CSMD1: variants seen among roughly 807,000 people sequenced by gnomAD.
CSMD1 encodes the protein CUB and Sushi multiple domains 1, also known as CUB and sushi domain-containing protein 1.
Under a neutral mutation model 417.5 loss-of-function variants are expected in CSMD1, and 213 were observed. The observed-to-expected ratio is 0.51, with a 90% confidence interval of 0.46 to 0.57. The LOEUF (loss-of-function observed/expected upper bound fraction) is 0.57. Ranked by LOEUF, CSMD1 falls within the 20% of genes least tolerant of loss-of-function variation. CSMD1 has a pLI of 0.00. For missense variants in CSMD1, 6,923 were observed against 4,529.7 expected (o/e 1.53, Z -15.17); for synonymous variants, 2,862 against 1,736.8 (o/e 1.65, Z -16.11).
chr8:4,696,617 A>G (rs761037968), intron 1 of CSMD1, among the ~76,000 whole-genome samples: 2 of 152,202 alleles, frequency 1.3e-5, no homozygotes, highest in African/African-American at 4.8e-5. Flanking sequence ...TTATTATCCA[A>G]ACAACGTATT....
rs188927899 is a variant in CSMD1 at position 2,949,359 on chromosome 8, A to T, written c.10342T>A (p.Phe3448Ile). 122 of 1,606,666 alleles carry T rather than the reference A, an allele frequency of 7.6e-5. No homozygotes were observed. The East Asian group carries it at 2.3e-3, about 31-fold the overall frequency. The change falls in exon 68 of 70, where the codon TTT becomes ATT. Residue 3448 changes from phenylalanine (F) to isoleucine (I), a missense_variant. Physicochemically the swap from Phe to Ile is conservative, Grantham distance 21. Transcript: ENST00000635120. ...CCATGAATGTCACCTTGAAAAGTAA[A>T]TCCTCCTCTTTCAAGTCCAGATGAC... Reference protein sequence around the residue: ...YVSSGLERGGFTFQGDIHGKD... With the variant: ...YVSSGLERGGITFQGDIHGKD...
chr8:4,756,379 G>T lies in CSMD1; in HGVS notation c.86-118821C>A, dbSNP rs187772735. 5.4e-3 allele frequency among the ~76,000 whole-genome samples: 816 copies of T among 152,236 alleles called. 3 individuals are homozygous for T. Among genetic ancestry groups the T allele is most frequent in the Non-Finnish European group, 7.1e-3 (486 of 68,010 alleles). On this transcript the variant is annotated intron_variant, in intron 1 of 69. Transcript: ENST00000635120. ...GCCATATTTTTAAAAGTAACACTTG[G>T]TTTTTTTCTGACCCGACCAAGTTGA... is the stretch of plus-strand genomic sequence containing the variant.
intron 2 of CSMD1, among the ~76,000 whole-genome samples, chr8:4,442,806 A>T (rs1029512850): frequency 6.6e-6 from 1 of 152,216 alleles, no homozygotes; most frequent in Admixed American, 6.5e-5. Context: ...TTAAAATTTG[A>T]TTTCTAAAAC....
At chr8:3,535,730 G>C (rs1403673152) in intron 10 of CSMD1, among the ~76,000 whole-genome samples, 1 of 152,114 alleles carries the variant, frequency 6.6e-6, no homozygotes, top group African/African-American at 2.4e-5. Flanking sequence ...AAGTAAACTT[G>C]ATTTTAACCT....
intron 5 of CSMD1, among the ~76,000 whole-genome samples, chr8:3,869,395 T>C (rs1338633945): frequency 1.3e-5 from 2 of 152,186 alleles, no homozygotes; most frequent in Non-Finnish European, 2.9e-5. Context: ...GTCTATGAAA[T>C]TGACTTATTT....
intron 1 of CSMD1, among the ~76,000 whole-genome samples, chr8:4,883,882 A>T (rs1364323071): frequency 6.6e-6 from 1 of 152,072 alleles, no homozygotes; most frequent in Non-Finnish European, 1.5e-5. Flanking sequence ...TGGTAACTTT[A>T]TGTCTAACAT....
chr8:4,749,863 A>C (rs537089995), intron 1 of CSMD1, among the ~76,000 whole-genome samples: 54 of 152,228 alleles, frequency 3.5e-4, no homozygotes, highest in South Asian at 2.9e-3. Context: ...ATTTACGGCA[A>C]AAAGAGAAAT....
chr8:4,321,448 T>C (rs1337394329), intron 3 of CSMD1, among the ~76,000 whole-genome samples: 1 of 152,152 alleles, frequency 6.6e-6, no homozygotes, highest in African/African-American at 2.4e-5. Flanking sequence ...CTTGGGAATC[T>C]TACCTTATCA....
intron 3 of CSMD1, among the ~76,000 whole-genome samples, chr8:4,048,756 A>T (rs1798276063): frequency 6.6e-6 from 1 of 152,220 alleles, no homozygotes; most frequent in African/African-American, 2.4e-5. Flanking sequence ...TATAAAATGC[A>T]AAGCTGTGTA....
At chr8:4,221,549 G>A (rs1022113752) in intron 3 of CSMD1, among the ~76,000 whole-genome samples, 3 of 152,144 alleles carry the variant, frequency 2.0e-5, no homozygotes, top group Admixed American at 6.5e-5. Context: ...AGGCTCAAGA[G>A]CAGGAGGCCT....
At chr8:4,345,434 A>G (rs939603898) in intron 3 of CSMD1, among the ~76,000 whole-genome samples, 1 of 152,118 alleles carries the variant, frequency 6.6e-6, no homozygotes. Context: ...TCAAATCAGG[A>G]TAAAGAAGAG....
intron 2 of CSMD1, among the ~76,000 whole-genome samples, chr8:4,570,873 G>A (rs572730398): frequency 1.3e-5 from 2 of 152,138 alleles, no homozygotes; most frequent in Non-Finnish European, 2.9e-5. Flanking sequence ...AGTCTTGGGA[G>A]AGTATGTGTA....
At chr8:4,184,815 C>T (rs779553451) in intron 3 of CSMD1, among the ~76,000 whole-genome samples, 1 of 151,904 alleles carries the variant, frequency 6.6e-6, no homozygotes, top group Non-Finnish European at 1.5e-5. Flanking sequence ...ATATAGGAAA[C>T]ATGCACATGT....
chr8:3,895,251 C>A (rs891009927), intron 5 of CSMD1, among the ~76,000 whole-genome samples: 1 of 152,086 alleles, frequency 6.6e-6, no homozygotes, highest in Non-Finnish European at 1.5e-5. Context: ...GTGCTTACAA[C>A]AACAAAGAGA....
At chr8:4,920,901 GAAA>G (rs1806410973) in intron 1 of CSMD1, among the ~76,000 whole-genome samples, 2 of 30,728 alleles carry the variant, frequency 6.5e-5, no homozygotes, top group Non-Finnish European at 1.5e-4. Context: ...GAAAAGAAAA[GAAA>G]AGAAAAGAAA....
chr8:4,391,442 A>C (rs550456884), intron 3 of CSMD1, among the ~76,000 whole-genome samples: 2 of 152,152 alleles, frequency 1.3e-5, no homozygotes, highest in Non-Finnish European at 2.9e-5. Flanking sequence ...GAAGGAACAT[A>C]AACAGCTAAT....
At chr8:3,556,712 C>T (rs191784495) in intron 10 of CSMD1, among the ~76,000 whole-genome samples, 69 of 151,994 alleles carry the variant, frequency 4.5e-4, no homozygotes, top group Non-Finnish European at 9.1e-4. Context: ...AAAAGTATGA[C>T]TTAACATTTA....
chr8:4,081,338 G>A, intron 3 of CSMD1, among the ~76,000 whole-genome samples: 1 of 152,146 alleles, frequency 6.6e-6, no homozygotes, highest in East Asian at 1.9e-4. Context: ...GTTTGATAGG[G>A]TTAAACAACA....
At chr8:3,817,752 A>T (rs1401612982) in intron 5 of CSMD1, among the ~76,000 whole-genome samples, 1 of 152,162 alleles carries the variant, frequency 6.6e-6, no homozygotes, top group Non-Finnish European at 1.5e-5. Context: ...TAACTTCCAG[A>T]AACAGAGGTC....
Sources: allele counts gnomAD v4.1 joint callset (sites outside exome capture counted in the v4.1 genomes callset), GRCh38; gene constraint gnomAD v4.1.1; transcripts MANE v1.5; gene names NCBI Gene and HGNC (gene_info 2026-07-23, HGNC 2026-07-21).